The following DLGAP3 variants were observed in gnomAD, a reference collection of about 807,000 sequenced individuals.
DLGAP3 encodes the protein DLG associated protein 3, also known as disks large-associated protein 3.
A neutral mutation model predicts 81.2 loss-of-function variants in DLGAP3; 17 were observed. The ratio of observed to expected loss-of-function variants is 0.21; its 90% CI spans 0.14 to 0.31. DLGAP3 has a LOEUF of 0.31. Among genes scored for constraint, DLGAP3 ranks in the 10% least tolerant of loss-of-function variants. DLGAP3 has a pLI of 1.00. For missense variants in DLGAP3, 1,124 were observed against 1,388.0 expected (o/e 0.81, Z 3.02); for synonymous variants, 577 against 587.4 (o/e 0.98, Z 0.26).
intron 4 of DLGAP3, 141 bp from the exon 5 acceptor site, chr1:34,899,882 G>C: frequency 1.1e-6 from 1 of 950,606 alleles, no homozygotes. Context: ...CCTGGGTAAA[G>C]AGACTCCCAA....
Position 34,867,295 on chromosome 1 carries a change from C to G in DLGAP3, c.2578-104G>C. 3 of 1,533,176 alleles carry G rather than the reference C, an allele frequency of 2.0e-6. No homozygotes were observed. In the Admixed American group the frequency reaches 5.2e-5, roughly 27 times the overall value. The allele number at this position is 1,533,176 out of a possible 1,614,324, so 95.0% of individuals were successfully genotyped here. A position where few individuals can be genotyped will look rare whatever the true frequency, so the allele number is the denominator to read the frequency against. Reference sequence around the variant, plus strand: ...CACCCTTACTGCCAGGAAGCTCAGCCTGGGAGAGTGGGTGGGGGCTGGGAG... The same window carrying G: ...CACCCTTACTGCCAGGAAGCTCAGCGTGGGAGAGTGGGTGGGGGCTGGGAG... On this transcript the variant is annotated intron_variant, in intron 10 of 11. Coordinates refer to ENST00000373347, the MANE Select transcript of DLGAP3 (RefSeq NM_001080418.3). The surrounding 1 kb of genome is among the most constrained non-coding windows in gnomAD (Gnocchi z 4.3).
Position 34,866,039 on chromosome 1 carries a change from G to A in DLGAP3, c.*44C>T. 1.3e-6 allele frequency: 2 copies of A among 1,527,560 alleles called. No individual in the cohort carries two copies. The highest frequency in any genetic ancestry group is 1.8e-6 in the Non-Finnish European group (2 of 1,126,396). The allele number at this position is 1,527,560 out of a possible 1,614,324, so 94.6% of individuals were successfully genotyped here. ...CCTCGACGCTGGGTGTACAGTACGG[G>A]TGGAGAACCGCGGGCCCGGGCCGGG... On this transcript the variant is annotated 3_prime_UTR_variant, in exon 12 of 12. Transcript: ENST00000373347.
Position 34,868,692 on chromosome 1 carries a change from T to C in DLGAP3, c.2398A>G (p.Lys800Glu). ...TTCTCCACCTCTGCCCGCAGCATCT[T>C]GATGAACCACTCGCCGTCGCGTGGG... ...PCPRDGEWFI[K>E]MLRAEVEKLE... Residue 800 changes from lysine (K) to glutamate (E), a missense_variant, in exon 9 of 12, where the codon AAG (lysine) becomes GAG (glutamate). Physicochemically the swap from Lys to Glu is moderately conservative, Grantham distance 56. Transcript: ENST00000373347. The surrounding 1 kb of genome is among the most constrained non-coding windows in gnomAD (Gnocchi z 7.5). 6.2e-7 allele frequency: 1 copy of C among 1,612,178 alleles called. No individual in the cohort carries two copies. The highest frequency in any genetic ancestry group is 8.5e-7 in the Non-Finnish European group (1 of 1,179,992).
intron 5 of DLGAP3, among the ~76,000 whole-genome samples, chr1:34,893,286 A>G (rs1639343028): frequency 1.3e-5 from 2 of 152,258 alleles, no homozygotes; most frequent in African/African-American, 4.8e-5. Context: ...ATCCAGCAAA[A>G]CTATTCTTCC....
intron 5 of DLGAP3, among the ~76,000 whole-genome samples, chr1:34,892,992 G>A (rs1639335155): frequency 6.6e-6 from 1 of 151,338 alleles, no homozygotes; most frequent in South Asian, 2.1e-4. Context: ...CTAACAAGGT[G>A]AAACCCCGTC....
chr1:34,911,655 C>T (rs1164736797), intron 1 of DLGAP3, among the ~76,000 whole-genome samples: 1 of 152,134 alleles, frequency 6.6e-6, no homozygotes, highest in Non-Finnish European at 1.5e-5. Context: ...GGCACAGATG[C>T]CGTCACCAAG....
rs1327536337 is a variant in DLGAP3 at position 34,895,778 on chromosome 1, C to T, written c.1386+3891G>A. Reference sequence around the variant, plus strand: ...TTTAAGGTTCATTAATAAACACATGCATTTATGGTAAATTGGTTTTGAAAA... The same window carrying T: ...TTTAAGGTTCATTAATAAACACATGTATTTATGGTAAATTGGTTTTGAAAA... On this transcript the variant is annotated intron_variant, in intron 5 of 11. Coordinates refer to ENST00000373347, the MANE Select transcript of DLGAP3 (RefSeq NM_001080418.3). The surrounding 1 kb of genome is among the most constrained non-coding windows in gnomAD (Gnocchi z 4.5). 1.3e-5 allele frequency among the ~76,000 whole-genome samples: 2 copies of T among 152,124 alleles called. No individual in the cohort carries two copies. Among genetic ancestry groups the T allele is most frequent in the African/African-American group, 4.8e-5 (2 of 41,416 alleles).
chr1:34,921,620 T>C (rs1312436861), intron 1 of DLGAP3, among the ~76,000 whole-genome samples: 1 of 152,210 alleles, frequency 6.6e-6, no homozygotes, highest in Non-Finnish European at 1.5e-5. Flanking sequence ...CAGCACAGCA[T>C]GTGGCAGATT....
chr1:34,915,342 G>A (rs968930547), intron 1 of DLGAP3, among the ~76,000 whole-genome samples: 9 of 152,272 alleles, frequency 5.9e-5, no homozygotes, highest in South Asian at 2.1e-4. Flanking sequence ...ATTTGGACTC[G>A]TGCTGCCCTA....
At chr1:34,866,805 C>G (rs949256444) in intron 11 of DLGAP3, among the ~76,000 whole-genome samples, 21 of 152,224 alleles carry the variant, frequency 1.4e-4, no homozygotes, top group Non-Finnish European at 2.6e-4. Context: ...CCCGCTCCCC[C>G]GCGCTGAGGA....
At chr1:34,922,825 A>G (rs1480304029) in intron 1 of DLGAP3, among the ~76,000 whole-genome samples, 1 of 152,058 alleles carries the variant, frequency 6.6e-6, no homozygotes, top group Admixed American at 6.6e-5. Context: ...AGTACATCAC[A>G]AGTTTGCATT....
At chr1:34,913,010 C>T (rs951669079) in intron 1 of DLGAP3, among the ~76,000 whole-genome samples, 3 of 152,154 alleles carry the variant, frequency 2.0e-5, no homozygotes, top group African/African-American at 4.8e-5. Context: ...AGTCCCTGGC[C>T]TCCCTCAACC....
At chr1:34,927,033 T>A (rs1639882816) in intron 1 of DLGAP3, among the ~76,000 whole-genome samples, 2 of 151,950 alleles carry the variant, frequency 1.3e-5, no homozygotes, top group Non-Finnish European at 2.9e-5. Flanking sequence ...CATGAGAAAG[T>A]CTGGGAGTCT....
intron 3 of DLGAP3, among the ~76,000 whole-genome samples, chr1:34,901,995 T>C (rs541956906): frequency 6.6e-6 from 1 of 152,054 alleles, no homozygotes; most frequent in Non-Finnish European, 1.5e-5. Context: ...GGAAGAAGGA[T>C]CGGCCTGGGA....
At chr1:34,883,587 T>C (rs1226471116) in intron 8 of DLGAP3, among the ~76,000 whole-genome samples, 1 of 152,188 alleles carries the variant, frequency 6.6e-6, no homozygotes, top group East Asian at 1.9e-4. Context: ...GATTTGCAAA[T>C]TGGGTTTGCC....
chr1:34,867,495 G>C lies in DLGAP3; in HGVS notation c.2577+41C>G, dbSNP rs941464858. On this transcript the variant is annotated intron_variant, in intron 10 of 11. Transcript: ENST00000373347. The surrounding 1 kb of genome is among the most constrained non-coding windows in gnomAD (Gnocchi z 4.3). ...CACCTCCAGCACACACACACTCTGG[G>C]TCACATGTATCTGGTAGGATCTACT... The C allele has an allele frequency of 6.5e-7, 1 of 1,543,288 alleles. No homozygotes were observed. The highest frequency in any genetic ancestry group is 1.7e-5 in the Admixed American group (1 of 59,934).
At chr1:34,915,122 T>C (rs201439653) in intron 1 of DLGAP3, among the ~76,000 whole-genome samples, 19 of 152,340 alleles carry the variant, frequency 1.2e-4, no homozygotes, top group African/African-American at 4.6e-4. Flanking sequence ...CCATCCATTA[T>C]GTCACAACCT....
At chr1:34,908,982 C>T (rs989027226) in intron 1 of DLGAP3, among the ~76,000 whole-genome samples, 1 of 152,344 alleles carries the variant, frequency 6.6e-6, no homozygotes, top group South Asian at 2.1e-4. Context: ...GGAAAGAAGA[C>T]AGAAAGCCTG....
intron 5 of DLGAP3, among the ~76,000 whole-genome samples, chr1:34,896,269 A>G (rs963347065): frequency 6.6e-6 from 1 of 152,154 alleles, no homozygotes. Context: ...AAAAAAGAAG[A>G]ACAAGAAGGG....
Sources: allele counts gnomAD v4.1 joint callset (sites outside exome capture counted in the v4.1 genomes callset), GRCh38; gene constraint gnomAD v4.1.1; non-coding constraint Gnocchi (gnomAD v3.1); transcripts MANE v1.5; gene names NCBI Gene and HGNC (gene_info 2026-07-23, HGNC 2026-07-21).